The following COPG2 variants were observed in gnomAD, a reference collection of about 807,000 sequenced individuals.
COPG2 encodes the protein coat protein complex I subunit gamma 2, also known as coatomer subunit gamma-2.
COPG2 carries 37 observed loss-of-function variants against 46.3 expected under a neutral mutation model. The observed-to-expected ratio is 0.80, with a 90% CI of 0.61 to 1.05. The LOEUF is 1.05. Among genes scored for constraint, COPG2 ranks in the 50% least tolerant of loss-of-function variants. The probability of loss-of-function intolerance (pLI) is 0.00; values close to 1 mark genes in which losing one functional copy is unlikely to be tolerated. For synonymous variants in COPG2, 159 were observed against 129.7 expected (o/e 1.23, Z -1.53); for missense variants, 427 against 387.8 (o/e 1.10, Z -0.85).
At chr7:130,553,904 C>T (rs1793574683) in intron 14 of COPG2, among the ~76,000 whole-genome samples, 1 of 152,140 alleles carries the variant, frequency 6.6e-6, no homozygotes, top group East Asian at 1.9e-4. Context: ...ATTAAAGTAT[C>T]TAACTTGATT....
intron 9 of COPG2, among the ~76,000 whole-genome samples, chr7:130,599,716 T>C (rs782794536): frequency 6.6e-6 from 1 of 152,150 alleles, no homozygotes; most frequent in Non-Finnish European, 1.5e-5. Context: ...AACTAAACTT[T>C]ACTGTTTAGG....
chr7:130,541,745 G>C (rs1799940117), intron 20 of COPG2, among the ~76,000 whole-genome samples: 1 of 149,082 alleles, frequency 6.7e-6, no homozygotes, highest in Non-Finnish European at 1.5e-5. Context: ...AGCTTGGACA[G>C]CAGAGCGTGT....
At chr7:130,638,134 G>A (rs1429068787) in intron 5 of COPG2, among the ~76,000 whole-genome samples, 1 of 152,136 alleles carries the variant, frequency 6.6e-6, no homozygotes, top group East Asian at 1.9e-4. Context: ...ATGCCAGCTG[G>A]AGCTCTCCTG....
chr7:130,506,806 C>T lies in COPG2; in HGVS notation c.2486G>A (p.Gly829Asp), dbSNP rs782041858. ...TAAATCATAGCCACCTCTGAATATA[C>T]CTGAGAGAAAAAAGTAAGGAAAACC... ...NKNSHSLYLA[G>D]IFRGGYDLLV... Residue 829 changes from glycine (G) to aspartate (D), a missense_variant and splice_region_variant, in exon 24 of 24, where the codon GGT (glycine) becomes GAT (aspartate). Transcript: ENST00000425248. 1.3e-6 allele frequency: 1 copy of T among 768,366 alleles called. No homozygotes were observed. Among genetic ancestry groups the T allele is most frequent in the Non-Finnish European group, 2.4e-6 (1 of 414,034 alleles). The allele number at this position is 768,366 out of a possible 1,614,324, so 47.6% of individuals were successfully genotyped here.
At chr7:130,634,547 A>G (rs1795297425) in intron 5 of COPG2, among the ~76,000 whole-genome samples, 1 of 152,076 alleles carries the variant, frequency 6.6e-6, no homozygotes, top group Non-Finnish European at 1.5e-5. Flanking sequence ...AATGCCTGTG[A>G]TTTTTGCACA....
chr7:130,509,296 TAAG>T (rs535004687), intron 20 of COPG2: 96 of 514,162 alleles, frequency 1.9e-4, no homozygotes, highest in Non-Finnish European at 3.5e-4. Flanking sequence ...TGTTAAGTAA[TAAG>T]AAATGGAGGT....
intron 20 of COPG2, among the ~76,000 whole-genome samples, chr7:130,517,297 G>A (rs993434421): frequency 5.9e-5 from 9 of 152,198 alleles, no homozygotes; most frequent in African/African-American, 1.9e-4. Flanking sequence ...ACTAGATGGA[G>A]TGGCAACTAG....
At chr7:130,665,836 A>G (rs1393223534) in intron 3 of COPG2, among the ~76,000 whole-genome samples, 1 of 139,876 alleles carries the variant, frequency 7.1e-6, no homozygotes, top group East Asian at 2.0e-4. Context: ...AGTCTGGGGC[A>G]AAAAAAAAAA....
chr7:130,519,005 C>CAAAAAAA (rs1163859617), intron 20 of COPG2, among the ~76,000 whole-genome samples: 1 of 116,468 alleles, frequency 8.6e-6, no homozygotes, highest in Non-Finnish European at 1.7e-5. Flanking sequence ...GACTCTGTCT[C>CAAAAAAA]AAAAAAAAAA....
At chr7:130,546,014 C>G (rs1222815337) in intron 20 of COPG2, among the ~76,000 whole-genome samples, 5 of 152,206 alleles carry the variant, frequency 3.3e-5, no homozygotes, top group Admixed American at 1.3e-4. Flanking sequence ...CAAAATGAAC[C>G]TGGGGAAGTG....
At chr7:130,660,675 T>C (rs1488852063) in intron 4 of COPG2, among the ~76,000 whole-genome samples, 1 of 152,150 alleles carries the variant, frequency 6.6e-6, no homozygotes, top group Admixed American at 6.6e-5. Flanking sequence ...ACAGATGGTA[T>C]CTCTAAACCT....
At chr7:130,510,538 A>G (rs765440792) in intron 20 of COPG2, among the ~76,000 whole-genome samples, 1 of 152,236 alleles carries the variant, frequency 6.6e-6, no homozygotes, top group Non-Finnish European at 1.5e-5. Context: ...GAGAGGCTAC[A>G]GCAAATGAGG....
intron 5 of COPG2, among the ~76,000 whole-genome samples, chr7:130,652,348 G>A (rs1293828273): frequency 6.6e-6 from 1 of 152,170 alleles, no homozygotes; most frequent in Non-Finnish European, 1.5e-5. Context: ...ACAAGAGTAT[G>A]TCTCCCTTAC....
chr7:130,574,457 GTT>G (rs1554445936), intron 9 of COPG2, among the ~76,000 whole-genome samples: 2 of 152,254 alleles, frequency 1.3e-5, no homozygotes. Context: ...AATCACTGCA[GTT>G]TGGCTCATAG....
chr7:130,529,131 G>A (rs1799801157), intron 20 of COPG2, among the ~76,000 whole-genome samples: 1 of 152,142 alleles, frequency 6.6e-6, no homozygotes, highest in Admixed American at 6.5e-5. Flanking sequence ...GGACGGTTAA[G>A]GGTGCCTTAA....
In COPG2 at chr7:130,542,975, C is replaced by T. The variant is rs1174924108; in HGVS notation, c.2149+4699G>A. Among the ~76,000 whole-genome samples the T allele has an allele frequency of 5.3e-5, 8 of 152,180 alleles. No individual in the cohort carries two copies. In the East Asian group the frequency reaches 1.2e-3, roughly 22 times the overall value. On this transcript the variant is annotated intron_variant, in intron 20 of 23. Coordinates refer to ENST00000425248, the MANE Select transcript of COPG2 (RefSeq NM_012133.6). ...TAGGGAATAGAAGTTAAATCCTAGA[C>T]GACAAGCGAGTGGGGTAACAACACT...
intron 5 of COPG2, among the ~76,000 whole-genome samples, chr7:130,622,473 C>T (rs1554453733): frequency 6.6e-6 from 1 of 152,114 alleles, no homozygotes; most frequent in African/African-American, 2.4e-5. Context: ...TGAAGTGGCT[C>T]AAAAGAGGTG....
chr7:130,641,863 C>T (rs540822094), intron 5 of COPG2, among the ~76,000 whole-genome samples: 5 of 152,324 alleles, frequency 3.3e-5, no homozygotes, highest in South Asian at 4.1e-4. Flanking sequence ...CACACATTAT[C>T]GGCACAATTG....
intron 9 of COPG2, among the ~76,000 whole-genome samples, chr7:130,606,249 AG>A (rs1794726269): frequency 6.6e-6 from 1 of 151,322 alleles, no homozygotes; most frequent in Non-Finnish European, 1.5e-5. Flanking sequence ...AAAGAGAGAG[AG>A]AGAGAGAGAA....
Sources: gnomAD v4.1 joint callset for allele counts (sites outside exome capture counted in the v4.1 genomes callset) on GRCh38, gnomAD v4.1.1 for gene constraint, MANE v1.5 for transcripts, NCBI Gene and HGNC (gene_info 2026-07-23, HGNC 2026-07-21) for gene names.